SLCO4A1: variants seen among roughly 807,000 people sequenced by gnomAD.
SLCO4A1 encodes the protein colon organic anion transporter.
A neutral mutation model predicts 64.6 loss-of-function variants in SLCO4A1; 51 were observed. That is an observed-to-expected ratio of 0.79 (90% CI 0.63 to 1.00). The LOEUF is 1.00. SLCO4A1 is among the 50% of genes least tolerant of loss of function. The probability of loss-of-function intolerance (pLI) is 0.00; values close to 1 mark genes in which losing one functional copy is unlikely to be tolerated. For missense variants in SLCO4A1, 919 were observed against 980.5 expected (o/e 0.94, Z 0.84); for synonymous variants, 471 against 444.9 (o/e 1.06, Z -0.74).
chr20:62,676,885 G>A (rs545048266), downstream of SLCO4A1, among the ~76,000 whole-genome samples: 2 of 152,358 alleles, frequency 1.3e-5, no homozygotes, highest in African/African-American at 4.8e-5. Context: ...AAGTGCACCA[G>A]CCCGAATGTC....
chr20:62,676,168 A>T (rs1044776621), downstream of SLCO4A1, among the ~76,000 whole-genome samples: 5 of 152,274 alleles, frequency 3.3e-5, no homozygotes, highest in African/African-American at 1.2e-4. Flanking sequence ...TAATCCCAGC[A>T]CTTTGGGAGG....
At chr20:62,681,583 A>T (rs1288558509) in intron 2 of SLCO4A1, among the ~76,000 whole-genome samples, 7 of 152,030 alleles carry the variant, frequency 4.6e-5, no homozygotes, top group African/African-American at 1.7e-4. Flanking sequence ...TGTGTGTGTT[A>T]ATCCGTGTGA....
chr20:62,661,709 C>T lies in SLCO4A1; in HGVS notation c.1121+534C>T, dbSNP rs572801947. 1.7e-3 allele frequency among the ~76,000 whole-genome samples: 259 copies of T among 151,978 alleles called. No individual in the cohort carries two copies. The highest frequency in any genetic ancestry group is 5.9e-3 in the African/African-American group (244 of 41,458). ...AGTCTCTGAGGACCTCCCCCCTCTA[C>T]CCGGCGTGTCCCGCTCACCCTCTGG... On this transcript the variant is annotated intron_variant, in intron 5 of 11. Transcript: ENST00000217159. This position sits in a 1 kb window ranked among gnomAD's most constrained non-coding sequence, Gnocchi z 5.2.
intron 1 of SLCO4A1, among the ~76,000 whole-genome samples, chr20:62,653,115 C>A (rs528083665): frequency 3.9e-5 from 6 of 152,220 alleles, no homozygotes; most frequent in Admixed American, 2.6e-4. Flanking sequence ...TGCCACCCAG[C>A]GGGATTCTTC....
downstream of SLCO4A1, among the ~76,000 whole-genome samples, chr20:62,675,092 G>T (rs1987525957): frequency 6.6e-6 from 1 of 152,190 alleles, no homozygotes; most frequent in Non-Finnish European, 1.5e-5. Context: ...AACGCCCCGA[G>T]CTGCAGAGAG....
chr20:62,677,353 G>C (rs978132207), intron 2 of SLCO4A1, among the ~76,000 whole-genome samples: 23 of 152,216 alleles, frequency 1.5e-4, no homozygotes, highest in African/African-American at 5.1e-4. Flanking sequence ...CTGACTGCCT[G>C]CCCTGTGCTT....
intron 5 of SLCO4A1, among the ~76,000 whole-genome samples, chr20:62,663,941 T>C (rs190849881): frequency 1.3e-5 from 2 of 152,314 alleles, no homozygotes; most frequent in Admixed American, 1.3e-4. Context: ...GGTTGGGCGT[T>C]AGCCCTGCTC....
chr20:62,661,151 G>C lies in SLCO4A1; in HGVS notation c.1097G>C (p.Gly366Ala). 6.2e-7 allele frequency: 1 copy of C among 1,613,244 alleles called. No homozygotes were observed. The highest frequency in any genetic ancestry group is 8.5e-7 in the Non-Finnish European group (1 of 1,179,772). ...GGGGAGGCGAGCAACCCGGACTTTG[G>C]GAAAACCATCAGAGACCTGCCTCTG... ...SRGEASNPDF[G>A]KTIRDLPLSI... Residue 366 changes from glycine (G) to alanine (A), a missense_variant, in exon 5 of 12, where the codon GGG becomes GCG. By Grantham distance (60) the Gly-to-Ala change is moderately conservative (BLOSUM62 0). Coordinates refer to ENST00000217159, the MANE Select transcript of SLCO4A1 (RefSeq NM_016354.4). This position sits in a 1 kb window ranked among gnomAD's most constrained non-coding sequence, Gnocchi z 5.2.
chr20:62,671,896 ACCGCCCGCGC>A lies in SLCO4A1; in HGVS notation c.*6_*15del. ...GCCAGCTCCAGAGCAGCGTCTGACC[ACCGCCCGCGC>A]CCACCCGGCCACGGCGGGCACTCAG... On this transcript the variant is annotated 3_prime_UTR_variant, in exon 12 of 12. Coordinates refer to ENST00000217159, the MANE Select transcript of SLCO4A1 (RefSeq NM_016354.4). 1.9e-6 allele frequency: 3 copies of A among 1,609,910 alleles called. No homozygotes were observed. Among genetic ancestry groups the A allele is most frequent in the Non-Finnish European group, 2.5e-6 (3 of 1,179,980 alleles).
Position 62,644,990 on chromosome 20 carries a change from G to A in SLCO4A1, c.-97+2437G>A, listed in dbSNP as rs1981054904. On this transcript the variant is annotated intron_variant, in intron 1 of 11. Coordinates refer to ENST00000217159, the MANE Select transcript of SLCO4A1 (RefSeq NM_016354.4). This position sits in a 1 kb window ranked among gnomAD's most constrained non-coding sequence, Gnocchi z 5.4. The stretch of plus-strand genomic sequence containing the variant: ...CAGAGGCCACAAAACGTTCCCTCAC[G>A]AGCCACATGACTGCCTCATTTGCAA... 6.6e-6 allele frequency among the ~76,000 whole-genome samples: 1 copy of A among 152,226 alleles called. No individual in the cohort carries two copies. The highest frequency in any genetic ancestry group is 1.5e-5 in the Non-Finnish European group (1 of 68,044).
In SLCO4A1 at chr20:62,656,686, G is replaced by C. The variant is rs1047099; in HGVS notation, c.232G>C (p.Val78Leu). 33 of 1,607,766 alleles carry C rather than the reference G, an allele frequency of 2.1e-5. No homozygotes were observed. Among genetic ancestry groups the C allele is most frequent in the Non-Finnish European group, 2.8e-5 (33 of 1,177,490 alleles). The change falls in exon 2 of 12, where the codon GTC (valine) becomes CTC (leucine). Residue 78 changes from valine to leucine, a missense_variant. Physicochemically the swap from Val to Leu is conservative, Grantham distance 32. Coordinates refer to ENST00000217159, the MANE Select transcript of SLCO4A1 (RefSeq NM_016354.4). ...CCGGGGGACCCATGAGGTGCGGTACGTCTCGGCCGGGCAGAGCGTGGCGTG... is the reference window on the plus strand; with the variant it reads ...CCGGGGGACCCATGAGGTGCGGTACCTCTCGGCCGGGCAGAGCGTGGCGTG... ...GARGTHEVRYVSAGQSVACGW... is the reference protein window; with the variant it reads ...GARGTHEVRYLSAGQSVACGW...
In SLCO4A1 at chr20:62,642,564, G is replaced by C. The variant is rs956659766; in HGVS notation, c.-97+11G>C. On this transcript the variant is annotated intron_variant, in intron 1 of 11. Coordinates refer to ENST00000217159, the MANE Select transcript of SLCO4A1 (RefSeq NM_016354.4). ...CTCGAGACGGGGACGGTGAGTGCGCGGGGAGCGGGGAGCTGGCGCGGGTGC... is the reference window on the plus strand; with the variant it reads ...CTCGAGACGGGGACGGTGAGTGCGCCGGGAGCGGGGAGCTGGCGCGGGTGC... 5.2e-6 allele frequency: 1 copy of C among 192,498 alleles called. No homozygotes were observed. The allele number at this position is 192,498 out of a possible 1,614,324, so 11.9% of individuals were successfully genotyped here. A position where few individuals can be genotyped will look rare whatever the true frequency, so the allele number is the denominator to read the frequency against.
At chr20:62,669,138 C>A (rs1986893149) in intron 11 of SLCO4A1, 60 bp downstream of exon 11, 1 of 1,531,024 alleles carries the variant, frequency 6.5e-7, no homozygotes, top group Non-Finnish European at 8.9e-7. Flanking sequence ...GGGCTCCGAA[C>A]ATGCCGCGAT....
chr20:62,652,363 CTG>C (rs1982707158), intron 1 of SLCO4A1, among the ~76,000 whole-genome samples: 1 of 152,162 alleles, frequency 6.6e-6, no homozygotes, highest in African/African-American at 2.4e-5. Flanking sequence ...CTGCGTGGCT[CTG>C]AGCCTGGCCT....
At chr20:62,688,133 C>A (rs541464277), downstream of SLCO4A1, among the ~76,000 whole-genome samples, 1 of 152,148 alleles carries the variant, frequency 6.6e-6, no homozygotes, top group Admixed American at 6.5e-5. Flanking sequence ...CACACACACA[C>A]GTGCACACAT....
Position 62,672,037 on chromosome 20 carries a change from C to G in SLCO4A1, c.*144C>G. On this transcript the variant is annotated 3_prime_UTR_variant, in exon 12 of 12. Transcript: ENST00000217159. ...CCTGTGGTTTAAAGTCGGCTGTGACCTCCTGTCCCCAGAGCTGTACGGCCC... is the reference window on the plus strand; with the variant it reads ...CCTGTGGTTTAAAGTCGGCTGTGACGTCCTGTCCCCAGAGCTGTACGGCCC... The G allele has an allele frequency of 6.4e-7, 1 of 1,554,076 alleles. No homozygotes were observed. The highest frequency in any genetic ancestry group is 1.2e-5 in the South Asian group (1 of 86,728).
chr20:62,663,219 C>G (rs1233135896), intron 5 of SLCO4A1: 2 of 152,218 alleles, frequency 1.3e-5, no homozygotes, highest in Non-Finnish European at 2.9e-5. Context: ...TGTTGGGGCT[C>G]AGAGGCTAAC....
chr20:62,657,867 T>C (rs1984024723), intron 2 of SLCO4A1, among the ~76,000 whole-genome samples: 1 of 152,180 alleles, frequency 6.6e-6, no homozygotes, highest in Admixed American at 6.5e-5. Context: ...ATGAAGCAGC[T>C]CATGGCTGCT....
At chr20:62,643,507 G>C (rs1980779411) in intron 1 of SLCO4A1, among the ~76,000 whole-genome samples, 1 of 152,262 alleles carries the variant, frequency 6.6e-6, no homozygotes, top group Non-Finnish European at 1.5e-5. Flanking sequence ...GGCCCTCTTT[G>C]GAGCTGCCGT....
Sources: allele counts gnomAD v4.1 joint callset (sites outside exome capture counted in the v4.1 genomes callset), GRCh38; gene constraint gnomAD v4.1.1; non-coding constraint Gnocchi (gnomAD v3.1); transcripts MANE v1.5; gene names NCBI Gene and HGNC (gene_info 2026-07-23, HGNC 2026-07-21).